Variants in XKR4 observed in about 807,000 individuals in gnomAD.
XKR4 encodes the protein XK related 4.
XKR4 carries 12 observed loss-of-function variants against 53.9 expected under a neutral mutation model. That is an observed-to-expected ratio of 0.22 (90% CI 0.14 to 0.36). The LOEUF is 0.36. Among genes scored for constraint, XKR4 ranks in the 10% least tolerant of loss-of-function variants. The pLI is 1.00. For missense variants in XKR4, 799 were observed against 859.5 expected, an observed-to-expected ratio of 0.93 and a Z score of 0.88; for synonymous variants, 354 against 362.4, an observed-to-expected ratio of 0.98 and a Z score of 0.26.
chr8:55,416,736 C>G (rs951936245), intron 2 of XKR4, among the ~76,000 whole-genome samples: 28 of 152,160 alleles, frequency 1.8e-4, no homozygotes, highest in Admixed American at 1.4e-3. Flanking sequence ...TTGTATCTAG[C>G]CAAAAGCTTC....
chr8:55,332,408 A>C (rs1322763935), intron 1 of XKR4, among the ~76,000 whole-genome samples: 1 of 152,072 alleles, frequency 6.6e-6, no homozygotes, highest in African/African-American at 2.4e-5. Context: ...TTATGCTTTC[A>C]TCTGGCATCA....
chr8:55,312,655 G>A (rs1003595399), intron 1 of XKR4, among the ~76,000 whole-genome samples: 2 of 152,142 alleles, frequency 1.3e-5, no homozygotes, highest in African/African-American at 4.8e-5. Flanking sequence ...GTCCATCATT[G>A]ATGTAATTAA....
intron 2 of XKR4, chr8:55,517,688 G>C (rs1399072660): frequency 1.3e-5 from 2 of 152,482 alleles, no homozygotes; most frequent in African/African-American, 4.8e-5. Context: ...GCAGGTACAA[G>C]ACAAGGCAGG....
intron 1 of XKR4, among the ~76,000 whole-genome samples, chr8:55,130,700 A>G (rs962431065): frequency 3.9e-5 from 6 of 152,046 alleles, no homozygotes; most frequent in Non-Finnish European, 8.8e-5. Flanking sequence ...CTAGGCCCCC[A>G]TTATCTATGA....
intron 1 of XKR4, among the ~76,000 whole-genome samples, chr8:55,117,266 T>TA (rs1476299442): frequency 1.3e-5 from 2 of 152,158 alleles, no homozygotes; most frequent in African/African-American, 2.4e-5. Flanking sequence ...AAATACTAGA[T>TA]AAGAATTTAC....
intron 1 of XKR4, among the ~76,000 whole-genome samples, chr8:55,264,582 G>C (rs1027834988): frequency 6.6e-6 from 1 of 152,276 alleles, no homozygotes; most frequent in African/African-American, 2.4e-5. Context: ...GCCACATTTC[G>C]TACCTTAGTA....
chr8:55,489,850 T>C (rs941009184), intron 2 of XKR4, among the ~76,000 whole-genome samples: 1 of 152,174 alleles, frequency 6.6e-6, no homozygotes, highest in African/African-American at 2.4e-5. Flanking sequence ...ATCTTTAACT[T>C]ACCACCACCA....
intron 1 of XKR4, among the ~76,000 whole-genome samples, chr8:55,207,591 G>A (rs185777105): frequency 3.9e-5 from 6 of 151,962 alleles, no homozygotes; most frequent in African/African-American, 1.4e-4. Context: ...CCATTCTCTT[G>A]CAAAATGTGA....
At chr8:55,451,408 G>T (rs1489730773) in intron 2 of XKR4, 6 of 966,256 alleles carry the variant, frequency 6.2e-6, no homozygotes, top group African/African-American at 1.6e-5. Context: ...GCGTCCGGAC[G>T]CACTGGAGTA....
Position 55,103,200 on chromosome 8 carries a change from C to A in XKR4, c.712C>A (p.Arg238=). 1.2e-6 allele frequency: 2 copies of A among 1,614,082 alleles called. No individual in the cohort carries two copies. The highest frequency in any genetic ancestry group is 1.7e-6 in the Non-Finnish European group (2 of 1,180,036). The change falls in exon 1 of 3, where the codon CGG becomes AGG. Residue 238 remains arginine, a synonymous_variant. Coordinates refer to ENST00000327381, the MANE Select transcript of XKR4 (RefSeq NM_052898.2). The part of the protein sequence containing the change: ...NSGSNSSGAT[R]ASGKHRSASC... ...CGGCAGCAACAGCAGCGGGGCTACC[C>A]GGGCCAGTGGCAAGCACAGGTCTGC...
chr8:55,114,854 C>T (rs1406381363), intron 1 of XKR4, among the ~76,000 whole-genome samples: 1 of 152,014 alleles, frequency 6.6e-6, no homozygotes, highest in African/African-American at 2.4e-5. Context: ...AGTGTTAGCC[C>T]CTTTATTCAT....
intron 2 of XKR4, among the ~76,000 whole-genome samples, chr8:55,435,345 T>C (rs1471283903): frequency 6.6e-6 from 1 of 151,918 alleles, no homozygotes; most frequent in Non-Finnish European, 1.5e-5. Context: ...AAAACATCCA[T>C]GAGGGGCAGA....
At chr8:55,416,184 A>T (rs988818892) in intron 2 of XKR4, among the ~76,000 whole-genome samples, 25 of 152,200 alleles carry the variant, frequency 1.6e-4, no homozygotes, top group African/African-American at 5.8e-4. Context: ...TTAAAGGGCT[A>T]AAAAATGGAG....
intron 1 of XKR4, among the ~76,000 whole-genome samples, chr8:55,300,271 G>A (rs1340572047): frequency 6.6e-6 from 1 of 152,182 alleles, no homozygotes; most frequent in African/African-American, 2.4e-5. Flanking sequence ...TGAAAGATGA[G>A]TGTTGGGACC....
intron 1 of XKR4, among the ~76,000 whole-genome samples, chr8:55,320,536 C>T (rs554377410): frequency 5.9e-5 from 9 of 152,252 alleles, no homozygotes; most frequent in South Asian, 4.2e-4. Flanking sequence ...TGAAAGCTCA[C>T]GGTATTTGGC....
intron 2 of XKR4, among the ~76,000 whole-genome samples, chr8:55,358,797 C>T (rs922720327): frequency 2.6e-5 from 4 of 152,214 alleles, no homozygotes; most frequent in Non-Finnish European, 5.9e-5. Flanking sequence ...CCCCTCTGGG[C>T]ACATGCTGCT....
intron 2 of XKR4, among the ~76,000 whole-genome samples, chr8:55,479,837 A>G (rs1184373186): frequency 1.3e-5 from 2 of 152,142 alleles, no homozygotes; most frequent in Admixed American, 6.5e-5. Context: ...CACTCTCCCA[A>G]GACTAAACCA....
intron 2 of XKR4, chr8:55,449,646 C>G (rs1371440657): frequency 2.1e-6 from 2 of 945,134 alleles, no homozygotes; most frequent in Non-Finnish European, 3.5e-6. Flanking sequence ...TTAGGGGCAC[C>G]CATGGTGGCC....
intron 2 of XKR4, among the ~76,000 whole-genome samples, chr8:55,456,354 CCAGCGGG>C (rs1805569836): frequency 6.6e-6 from 1 of 152,042 alleles, no homozygotes; most frequent in Non-Finnish European, 1.5e-5. Context: ...TCACTTGAAC[CCAGCGGG>C]CAGAGGTTGC....
Sources: gnomAD v4.1 joint callset for allele counts (sites outside exome capture counted in the v4.1 genomes callset) on GRCh38, gnomAD v4.1.1 for gene constraint, MANE v1.5 for transcripts, NCBI Gene and HGNC (gene_info 2026-07-23, HGNC 2026-07-21) for gene names.